LRRC41: variants seen among roughly 807,000 people sequenced by gnomAD.
LRRC41 encodes the protein leucine rich repeat containing 41.
LRRC41 carries 17 observed loss-of-function variants against 72.1 expected under a neutral mutation model. The ratio of observed to expected loss-of-function variants is 0.24; its 90% CI spans 0.16 to 0.35. The LOEUF (loss-of-function observed/expected upper bound fraction) is 0.35, where lower values mean the gene tolerates loss of function less well. Among genes scored for constraint, LRRC41 ranks in the 10% least tolerant of loss-of-function variants. The pLI is 1.00. For synonymous variants in LRRC41, 427 were observed against 431.0 expected, an observed-to-expected ratio of 0.99 and a Z score of 0.11; for missense variants, 759 against 1,065.0, an observed-to-expected ratio of 0.71 and a Z score of 4.00.
At chr1:46,291,620 C>T (rs6673740) in intron 3 of LRRC41, among the ~76,000 whole-genome samples, 95,610 of 141,524 alleles carry the variant, frequency 0.68, 32,510 homozygotes, top group Middle Eastern at 0.8. Context: ...AGTGCAATGG[C>T]ACAATCTTGG....
rs1046617860 is a variant in LRRC41, at chr1:46,302,317, G to A, written c.199+807C>T. ...CCCTTCCCGCCTGTCCGTCATTCGA[G>A]CCTCCCTCGCTTGTTTAAGCCGCTC... On this transcript the variant is annotated intron_variant, in intron 1 of 9. Coordinates refer to ENST00000617190, the MANE Select transcript of LRRC41 (RefSeq NM_006369.5). This position sits in a 1 kb window ranked among gnomAD's most constrained non-coding sequence, Gnocchi z 4.7. 1.4e-5 allele frequency: 14 copies of A among 985,192 alleles called. No individual in the cohort carries two copies. The highest frequency in any genetic ancestry group is 1.7e-5 in the African/African-American group (1 of 57,192). 61.0% of individuals were successfully genotyped at this position (985,192 alleles called of 1,614,324 possible).
Position 46,279,104 on chromosome 1 carries a change from T to C in LRRC41, c.2220-20A>G. The C allele has an allele frequency of 3.1e-6, 5 of 1,609,646 alleles. No individual in the cohort carries two copies. The highest frequency in any genetic ancestry group is 4.2e-6 in the Non-Finnish European group (5 of 1,177,004). On this transcript the variant is annotated intron_variant, in intron 9 of 9. Transcript: ENST00000617190. The surrounding 1 kb of genome is among the most constrained non-coding windows in gnomAD (Gnocchi z 4.5). ...TTGGAACTGGTAGGGTGAGATGGAT[T>C]AGATATCCAGGAAGCAGTGAATTCC... is the stretch of plus-strand genomic sequence containing the variant.
intron 2 of LRRC41, among the ~76,000 whole-genome samples, 163 bp from the exon 3 acceptor site, chr1:46,297,796 C>T (rs147590619): frequency 6.6e-6 from 1 of 152,176 alleles, no homozygotes; most frequent in Non-Finnish European, 1.5e-5. Flanking sequence ...GCAAACTACA[C>T]TCCAGCTATG....
chr1:46,291,653 A>G (rs1255191490), intron 3 of LRRC41, among the ~76,000 whole-genome samples: 2 of 130,748 alleles, frequency 1.5e-5, no homozygotes, highest in Admixed American at 1.9e-4. Flanking sequence ...TCCACCTCCC[A>G]GGCTCAAGTG....
intron 1 of LRRC41, among the ~76,000 whole-genome samples, chr1:46,301,446 C>A (rs1180453429): frequency 6.6e-6 from 1 of 151,594 alleles, no homozygotes; most frequent in Non-Finnish European, 1.5e-5. Flanking sequence ...GTCGGCCTGC[C>A]CCTTGTCTTC....
chr1:46,292,282 G>C lies in LRRC41; in HGVS notation c.357+5281C>G, dbSNP rs539539510. ...TCAAAAAAAAAAAAAAATTATTGTAGAGATGGGGTTTCCCTGTGTTGCCCA... is the reference window on the plus strand; with the variant it reads ...TCAAAAAAAAAAAAAAATTATTGTACAGATGGGGTTTCCCTGTGTTGCCCA... On this transcript the variant is annotated intron_variant, in intron 3 of 9. Coordinates refer to ENST00000617190, the MANE Select transcript of LRRC41 (RefSeq NM_006369.5). Among the ~76,000 whole-genome samples, 22 of 151,652 alleles carry C rather than the reference G, an allele frequency of 1.5e-4. 1 individual carries two copies. In the South Asian group the frequency reaches 4.6e-3, roughly 32 times the overall value.
chr1:46,286,613 T>A lies in LRRC41; in HGVS notation c.358-114A>T. On this transcript the variant is annotated intron_variant, in intron 3 of 9. Transcript: ENST00000617190. The surrounding 1 kb of genome is among the most constrained non-coding windows in gnomAD (Gnocchi z 5.5). The stretch of plus-strand genomic sequence containing the variant: ...AGTCAGGCAACACTACAAATTCATT[T>A]AATCTTCACATCTCTGAGGTATGTA... The A allele has an allele frequency of 1.0e-6, 1 of 984,566 alleles. No homozygotes were observed. Among genetic ancestry groups the A allele is most frequent in the Non-Finnish European group, 1.5e-6 (1 of 675,322 alleles). 61.0% of individuals were successfully genotyped at this position (984,566 alleles called of 1,614,324 possible).
At chr1:46,280,026 GA>G (rs1660736569) in intron 7 of LRRC41, among the ~76,000 whole-genome samples, 165 bp downstream of exon 7, 1 of 152,212 alleles carries the variant, frequency 6.6e-6, no homozygotes, top group African/African-American at 2.4e-5. Flanking sequence ...TTTAGTAGAG[GA>G]GGAATTGAGG....
At chr1:46,288,009 CTGAA>C (rs1346886104) in intron 3 of LRRC41, among the ~76,000 whole-genome samples, 2 of 152,218 alleles carry the variant, frequency 1.3e-5, no homozygotes, top group Non-Finnish European at 2.9e-5. Flanking sequence ...TAATACAACT[CTGAA>C]TGCAAGTGAT....
In LRRC41 at chr1:46,280,204, G is replaced by A; in HGVS notation, c.2008C>T (p.Leu670=). Residue 670 remains leucine (L), a synonymous_variant, in exon 7 of 10, where the codon CTG becomes TTG. Coordinates refer to ENST00000617190, the MANE Select transcript of LRRC41 (RefSeq NM_006369.5). ...ATAAGGAACTTACCTTGCAGAGTCA[G>A]ATTCTGTAGCAAAAAGAGCACCTCG... ...QSEVLFLLQN[L]TLQEITFSFC... 6.2e-7 allele frequency: 1 copy of A among 1,613,954 alleles called. No homozygotes were observed.
chr1:46,289,440 T>A (rs956696003), intron 3 of LRRC41, among the ~76,000 whole-genome samples: 1 of 152,050 alleles, frequency 6.6e-6, no homozygotes, highest in Non-Finnish European at 1.5e-5. Context: ...AGACAAGAGA[T>A]CATGAAGTTT....
intron 3 of LRRC41, among the ~76,000 whole-genome samples, chr1:46,295,145 G>A (rs551257011): frequency 3.4e-4 from 52 of 152,018 alleles, no homozygotes; most frequent in African/African-American, 1.2e-3. Context: ...CTGCAGCCTC[G>A]ACTTCCCAGG....
In LRRC41 at chr1:46,279,693, A is replaced by C; in HGVS notation, c.2021-79T>G. 1 of 1,565,584 alleles carries C rather than the reference A, an allele frequency of 6.4e-7. No homozygotes were observed. The highest frequency in any genetic ancestry group is 1.1e-5 in the South Asian group (1 of 87,064). ...CCCTCCTGCCCCAGTTGGCCCTAGC[A>C]AGGGGTATTAACATTATAGAGGCCC... On this transcript the variant is annotated intron_variant, in intron 7 of 9. Transcript: ENST00000617190. The surrounding 1 kb of genome is among the most constrained non-coding windows in gnomAD (Gnocchi z 4.5).
At chr1:46,287,894 G>A (rs1660917677) in intron 3 of LRRC41, among the ~76,000 whole-genome samples, 1 of 152,074 alleles carries the variant, frequency 6.6e-6, no homozygotes, top group African/African-American at 2.4e-5. Context: ...TTCTTCCAAG[G>A]CAACAGTTAT....
chr1:46,279,163 T>C lies in LRRC41; in HGVS notation c.2219+19A>G, dbSNP rs1660712702. ...ATCTCTGTAGCCCCATCCCTTGTCT[T>C]GCCCCTCCCCTCATGTACCTGATGT... On this transcript the variant is annotated intron_variant, in intron 9 of 9. Coordinates refer to ENST00000617190, the MANE Select transcript of LRRC41 (RefSeq NM_006369.5). The surrounding 1 kb of genome is among the most constrained non-coding windows in gnomAD (Gnocchi z 4.5). 6 of 1,613,866 alleles carry C rather than the reference T, an allele frequency of 3.7e-6. No homozygotes were observed. The Middle Eastern group carries it at 5.0e-4, about 133-fold the overall frequency.
At chr1:46,291,200 A>T (rs1033882078) in intron 3 of LRRC41, among the ~76,000 whole-genome samples, 3 of 152,204 alleles carry the variant, frequency 2.0e-5, no homozygotes, top group African/African-American at 7.2e-5. Flanking sequence ...CTGGGATTAC[A>T]GGTATGAGCC....
At chr1:46,289,048 A>G (rs528772907) in intron 3 of LRRC41, among the ~76,000 whole-genome samples, 8 of 152,218 alleles carry the variant, frequency 5.3e-5, no homozygotes, top group Non-Finnish European at 1.2e-4. Flanking sequence ...GTGAGTCAAG[A>G]TATTGTGGCT....
intron 3 of LRRC41, among the ~76,000 whole-genome samples, chr1:46,291,556 T>TC (rs1318455409): frequency 1.5e-5 from 2 of 136,402 alleles, no homozygotes; most frequent in Non-Finnish European, 3.2e-5. Flanking sequence ...CAGCTGGTTT[T>TC]TTTTTTTTTT....
intron 1 of LRRC41, among the ~76,000 whole-genome samples, chr1:46,301,271 C>A (rs1661217615): frequency 6.6e-6 from 1 of 152,116 alleles, no homozygotes. Flanking sequence ...CTGCTGCTTC[C>A]CAACCTGGGC....
Sources: allele counts gnomAD v4.1 joint callset (sites outside exome capture counted in the v4.1 genomes callset), GRCh38; gene constraint gnomAD v4.1.1; non-coding constraint Gnocchi (gnomAD v3.1); transcripts MANE v1.5; gene names NCBI Gene and HGNC (gene_info 2026-07-23, HGNC 2026-07-21).